RFX2: variants seen among roughly 807,000 people sequenced by gnomAD.
RFX2 encodes the protein DNA-binding protein RFX2.
A neutral mutation model predicts 87.8 loss-of-function variants in RFX2; 20 were observed. The observed-to-expected ratio is 0.23, with a 90% CI of 0.16 to 0.33. RFX2 has a LOEUF of 0.33. RFX2 is among the 10% of genes least tolerant of loss of function. The pLI is 1.00. For missense variants in RFX2, 767 were observed against 1,012.3 expected (o/e 0.76, Z 3.29); for synonymous variants, 397 against 431.3 (o/e 0.92, Z 0.98).
chr19:6,073,835 C>T (rs954290272), intron 1 of RFX2, among the ~76,000 whole-genome samples: 2 of 152,280 alleles, frequency 1.3e-5, no homozygotes, highest in Non-Finnish European at 2.9e-5. Flanking sequence ...GCTCCTCTTC[C>T]GGGAGTCTGA....
rs867642944 is a variant in RFX2, at chr19:6,045,156, G to A, written c.91-874C>T. Among the ~76,000 whole-genome samples, 5 of 152,276 alleles carry A rather than the reference G, an allele frequency of 3.3e-5. No homozygotes were observed. Among genetic ancestry groups the A allele is most frequent in the East Asian group, 1.9e-4 (1 of 5,182 alleles). The stretch of plus-strand genomic sequence containing the variant: ...CACGAGGGGTGATGGGTGAGGACAC[G>A]CCATCCCCTGTGTTGCAGGAGTGGA... On this transcript the variant is annotated intron_variant, in intron 2 of 17. Transcript: ENST00000303657. The surrounding 1 kb of genome is among the most constrained non-coding windows in gnomAD (Gnocchi z 5.2).
intron 5 of RFX2, among the ~76,000 whole-genome samples, chr19:6,028,205 A>T (rs1453161058): frequency 1.5e-5 from 2 of 137,200 alleles, no homozygotes; most frequent in East Asian, 2.0e-4. Context: ...TTTCCAAATT[A>T]AAAAAAAAAA....
chr19:5,997,302 T>C lies in RFX2; in HGVS notation c.1860-89A>G. ...GACTTCATGGCAGCAACACACCCCC[T>C]GCTCTACGTTCCCTGGGGAACCCAG... is the stretch of plus-strand genomic sequence containing the variant. On this transcript the variant is annotated intron_variant, in intron 15 of 17. Coordinates refer to ENST00000303657, the MANE Select transcript of RFX2 (RefSeq NM_000635.4). This position sits in a 1 kb window ranked among gnomAD's most constrained non-coding sequence, Gnocchi z 4.2. 5.1e-6 allele frequency: 7 copies of C among 1,360,380 alleles called. No homozygotes were observed. Among genetic ancestry groups the C allele is most frequent in the Non-Finnish European group, 5.9e-6 (6 of 1,020,560 alleles). 84.3% of individuals were successfully genotyped at this position (1,360,380 alleles called of 1,614,324 possible).
intron 1 of RFX2, among the ~76,000 whole-genome samples, chr19:6,087,152 C>T (rs1456173849): frequency 2.6e-5 from 4 of 152,094 alleles, no homozygotes; most frequent in Non-Finnish European, 5.9e-5. Context: ...CAGATGGTCG[C>T]AGCGGGTCAG....
At chr19:6,049,692 C>A (rs2087243763) in intron 1 of RFX2, among the ~76,000 whole-genome samples, 1 of 152,170 alleles carries the variant, frequency 6.6e-6, no homozygotes, top group Non-Finnish European at 1.5e-5. Context: ...TCATGCCTGG[C>A]TAATTTTTGT....
chr19:6,090,614 G>T (rs916070949), intron 1 of RFX2, among the ~76,000 whole-genome samples: 1 of 152,126 alleles, frequency 6.6e-6, no homozygotes, highest in Non-Finnish European at 1.5e-5. Flanking sequence ...AGGACAATTT[G>T]GCAGTTAACT....
chr19:6,104,376 T>G (rs1393250062), intron 1 of RFX2, among the ~76,000 whole-genome samples: 1 of 151,122 alleles, frequency 6.6e-6, no homozygotes, highest in African/African-American at 2.5e-5. Context: ...GAGACCATCC[T>G]GGCTAACACG....
At chr19:6,107,480 G>T (rs113346699) in intron 1 of RFX2, among the ~76,000 whole-genome samples, 1 of 151,696 alleles carries the variant, frequency 6.6e-6, no homozygotes. Flanking sequence ...AGCCGGGTGT[G>T]GGGGTGCATG....
intron 17 of RFX2, among the ~76,000 whole-genome samples, 176 bp from the exon 18 acceptor site, chr19:5,995,126 G>A (rs1044608185): frequency 6.6e-6 from 1 of 152,306 alleles, no homozygotes; most frequent in Non-Finnish European, 1.5e-5. Context: ...CCCACCTGCC[G>A]TTACCCAGAG....
Position 6,010,101 on chromosome 19 carries a change from G to T in RFX2, c.1015+35C>A, listed in dbSNP as rs1279076019. The T allele has an allele frequency of 7.3e-7, 1 of 1,370,342 alleles. No individual in the cohort carries two copies. The highest frequency in any genetic ancestry group is 1.0e-6 in the Non-Finnish European group (1 of 988,642). The allele number at this position is 1,370,342 out of a possible 1,614,324, so 84.9% of individuals were successfully genotyped here. A position where few individuals can be genotyped will look rare whatever the true frequency, so the allele number is the denominator to read the frequency against. ...AACCCAGGAGTGTGGCGAGCAGATG[G>T]GAGCCCCGCCCCCGGGCCTGACCGG... On this transcript the variant is annotated intron_variant, in intron 9 of 17. Coordinates refer to ENST00000303657, the MANE Select transcript of RFX2 (RefSeq NM_000635.4). The surrounding 1 kb of genome is among the most constrained non-coding windows in gnomAD (Gnocchi z 5.0).
In RFX2 at chr19:6,020,926, G is replaced by A. The variant is rs551404042; in HGVS notation, c.598-4655C>T. Among the ~76,000 whole-genome samples, 6 of 152,040 alleles carry A rather than the reference G, an allele frequency of 3.9e-5. No homozygotes were observed. Among genetic ancestry groups the A allele is most frequent in the Admixed American group, 3.9e-4 (6 of 15,270 alleles). On this transcript the variant is annotated intron_variant, in intron 6 of 17. Coordinates refer to ENST00000303657, the MANE Select transcript of RFX2 (RefSeq NM_000635.4). This position sits in a 1 kb window ranked among gnomAD's most constrained non-coding sequence, Gnocchi z 5.3. ...AATGGATCAAATCATTCCTTTTAAG[G>A]AAAAAAAATCCCGAAATGCCAGCGC...
intron 1 of RFX2, among the ~76,000 whole-genome samples, chr19:6,099,049 G>A (rs2144900953): frequency 6.8e-6 from 1 of 146,314 alleles, no homozygotes; most frequent in South Asian, 2.2e-4. Flanking sequence ...AGAGCAAAAA[G>A]GAGAATTCAT....
In RFX2 at chr19:6,007,245, G is replaced by A. The variant is rs1599844819; in HGVS notation, c.1248-79C>T. On this transcript the variant is annotated intron_variant, in intron 11 of 17. Coordinates refer to ENST00000303657, the MANE Select transcript of RFX2 (RefSeq NM_000635.4). The surrounding 1 kb of genome is among the most constrained non-coding windows in gnomAD (Gnocchi z 8.2). ...CAGCCACGGGAGCGAGCAGAGAGCC[G>A]GGCTGCGGGACTTTTGCCCAACAGT... 8.9e-6 allele frequency: 13 copies of A among 1,467,110 alleles called. No homozygotes were observed. Among genetic ancestry groups the A allele is most frequent in the South Asian group, 3.7e-5 (3 of 81,070 alleles). The allele number at this position is 1,467,110 out of a possible 1,614,324, so 90.9% of individuals were successfully genotyped here.
Position 6,061,623 on chromosome 19 carries a change from CG to C in RFX2, c.-8-14120del, listed in dbSNP as rs1158330562. Among the ~76,000 whole-genome samples the C allele has an allele frequency of 6.6e-6, 1 of 152,106 alleles. No homozygotes were observed. The highest frequency in any genetic ancestry group is 2.4e-5 in the African/African-American group (1 of 41,414). On this transcript the variant is annotated intron_variant, in intron 1 of 17. Coordinates refer to ENST00000303657, the MANE Select transcript of RFX2 (RefSeq NM_000635.4). The surrounding 1 kb of genome is among the most constrained non-coding windows in gnomAD (Gnocchi z 5.2). ...ATCTTACTGGGGAGTCGGCTGCAGC[CG>C]GGGGAAAAAGACTTTGCAACCTCCA...
rs1006351497 is a variant in RFX2, at chr19:6,050,389, G to T, written c.-8-2885C>A. Among the ~76,000 whole-genome samples the T allele has an allele frequency of 6.6e-6, 1 of 152,122 alleles. No homozygotes were observed. The highest frequency in any genetic ancestry group is 1.5e-5 in the Non-Finnish European group (1 of 68,024). ...GAAAAGCAGTTAATTATAACCAAACGCAAGATAACCCAGATGATACAGATA... is the reference window on the plus strand; with the variant it reads ...GAAAAGCAGTTAATTATAACCAAACTCAAGATAACCCAGATGATACAGATA... On this transcript the variant is annotated intron_variant, in intron 1 of 17. Coordinates refer to ENST00000303657, the MANE Select transcript of RFX2 (RefSeq NM_000635.4). This position sits in a 1 kb window ranked among gnomAD's most constrained non-coding sequence, Gnocchi z 4.6.
At chr19:6,008,316 A>G (rs2144689713) in intron 9 of RFX2, 92 bp from the exon 10 acceptor site, 3 of 666,046 alleles carry the variant, frequency 4.5e-6, no homozygotes, top group East Asian at 5.5e-5. Context: ...GCCCAGAAAC[A>G]GATGTTCTGC....
In RFX2 at chr19:6,004,831, G is replaced by C. The variant is rs567212486; in HGVS notation, c.1403-533C>G. The stretch of plus-strand genomic sequence containing the variant: ...AAAAAAAAACCAAAAAACAAAAACA[G>C]AAAAAGGCCAGGTGTGGTGGCTGAC... On this transcript the variant is annotated intron_variant, in intron 12 of 17. Coordinates refer to ENST00000303657, the MANE Select transcript of RFX2 (RefSeq NM_000635.4). The surrounding 1 kb of genome is among the most constrained non-coding windows in gnomAD (Gnocchi z 4.8). Among the ~76,000 whole-genome samples the C allele has an allele frequency of 6.6e-6, 1 of 151,236 alleles. No individual in the cohort carries two copies. The highest frequency in any genetic ancestry group is 2.1e-4 in the South Asian group (1 of 4,772).
At chr19:6,052,034 C>T (rs554929705) in intron 1 of RFX2, among the ~76,000 whole-genome samples, 1 of 152,254 alleles carries the variant, frequency 6.6e-6, no homozygotes, top group East Asian at 1.9e-4. Context: ...CCCGCCATCA[C>T]ACCAGGCTAA....
rs189379743 is a variant in RFX2 at position 6,105,735 on chromosome 19, G to A, written c.-9+4658C>T. On this transcript the variant is annotated intron_variant, in intron 1 of 17. Coordinates refer to ENST00000303657, the MANE Select transcript of RFX2 (RefSeq NM_000635.4). ...CATGGTCAGGTTCTGGGGAACTACTGAAGGTGGAGTCAACAGGATTTGCTG... is the reference window on the plus strand; with the variant it reads ...CATGGTCAGGTTCTGGGGAACTACTAAAGGTGGAGTCAACAGGATTTGCTG... Among the ~76,000 whole-genome samples the A allele has an allele frequency of 1.6e-4, 25 of 152,242 alleles. No homozygotes were observed. In the East Asian group the frequency reaches 4.6e-3, roughly 28 times the overall value.
Sources: allele counts gnomAD v4.1 joint callset (sites outside exome capture counted in the v4.1 genomes callset), GRCh38; gene constraint gnomAD v4.1.1; non-coding constraint Gnocchi (gnomAD v3.1); transcripts MANE v1.5; gene names NCBI Gene and HGNC (gene_info 2026-07-23, HGNC 2026-07-21).